The following AMOTL1 variants were observed in gnomAD, a reference collection of about 807,000 sequenced individuals.
AMOTL1 encodes the protein angiomotin like 1.
In AMOTL1, 45 loss-of-function variants were observed where a neutral mutation model predicts 102.9. That is an observed-to-expected ratio of 0.44 (90% confidence interval 0.34 to 0.56). The LOEUF (loss-of-function observed/expected upper bound fraction) is 0.56. Ranked by LOEUF, AMOTL1 falls within the 20% of genes least tolerant of loss-of-function variation. The pLI is 0.01. For synonymous variants in AMOTL1, 481 were observed against 484.7 expected, an observed-to-expected ratio of 0.99 and a Z score of 0.10; for missense variants, 1,114 against 1,225.6, an observed-to-expected ratio of 0.91 and a Z score of 1.36.
At chr11:94,805,564 C>T (rs1565359856) in intron 3 of AMOTL1, among the ~76,000 whole-genome samples, 1 of 152,148 alleles carries the variant, frequency 6.6e-6, no homozygotes, top group African/African-American at 2.4e-5. Context: ...TGACTCCTGT[C>T]AATGAAAAGA....
upstream of AMOTL1, among the ~76,000 whole-genome samples, chr11:94,764,454 A>G (rs898807529): frequency 1.3e-5 from 2 of 152,252 alleles, no homozygotes; most frequent in African/African-American, 4.8e-5. Context: ...TACTTGTTCT[A>G]GGAGCAAAAC....
At chr11:94,752,145 A>G (rs1950663572) in intron 3 of AMOTL1, among the ~76,000 whole-genome samples, 1 of 152,190 alleles carries the variant, frequency 6.6e-6, no homozygotes, top group Non-Finnish European at 1.5e-5. Context: ...TTTGATATTC[A>G]TGGTTTGCTC....
At chr11:94,780,190 C>T (rs1332946715) in intron 1 of AMOTL1, among the ~76,000 whole-genome samples, 1 of 152,176 alleles carries the variant, frequency 6.6e-6, no homozygotes, top group African/African-American at 2.4e-5. Flanking sequence ...CACTCCCTCC[C>T]TCAGTAACTA....
intron 3 of AMOTL1, among the ~76,000 whole-genome samples, chr11:94,741,458 C>T (rs1950526293): frequency 6.6e-6 from 1 of 152,044 alleles, no homozygotes; most frequent in South Asian, 2.1e-4. Flanking sequence ...GGGCTGAAAA[C>T]GGCGGTGTAA....
intron 5 of AMOTL1, among the ~76,000 whole-genome samples, chr11:94,830,663 T>C (rs1952051574): frequency 6.6e-6 from 1 of 152,182 alleles, no homozygotes; most frequent in African/African-American, 2.4e-5. Context: ...GGGGAAAAAG[T>C]CCCCACAGTT....
chr11:94,820,694 G>A (rs1053645622), intron 3 of AMOTL1, among the ~76,000 whole-genome samples: 3 of 152,116 alleles, frequency 2.0e-5, no homozygotes, highest in African/African-American at 7.2e-5. Context: ...CCATAATGTA[G>A]AATCAGTAGG....
At chr11:94,754,233 T>C (rs1275260693) in intron 3 of AMOTL1, among the ~76,000 whole-genome samples, 1 of 152,146 alleles carries the variant, frequency 6.6e-6, no homozygotes, top group African/African-American at 2.4e-5. Context: ...GACTCAGTCA[T>C]GGAGGTCAAG....
At chr11:94,741,621 A>C (rs1950528636) in intron 3 of AMOTL1, among the ~76,000 whole-genome samples, 1 of 152,036 alleles carries the variant, frequency 6.6e-6, no homozygotes, top group Admixed American at 6.5e-5. Flanking sequence ...TTGTCAAGAG[A>C]CAGGCTGAAG....
intron 1 of AMOTL1, among the ~76,000 whole-genome samples, chr11:94,707,129 G>T (rs1301226512): frequency 6.6e-6 from 1 of 151,978 alleles, no homozygotes; most frequent in Non-Finnish European, 1.5e-5. Flanking sequence ...TCAAACAATG[G>T]CTGTGCTGCC....
chr11:94,783,395 C>T (rs1034293968), intron 1 of AMOTL1, among the ~76,000 whole-genome samples: 7 of 152,292 alleles, frequency 4.6e-5, no homozygotes, highest in Middle Eastern at 3.4e-3. Flanking sequence ...GCATGTTTCC[C>T]TGTTAGTCTC....
chr11:94,709,628 C>T (rs57622673), intron 1 of AMOTL1, among the ~76,000 whole-genome samples: 1 of 152,122 alleles, frequency 6.6e-6, no homozygotes, highest in Non-Finnish European at 1.5e-5. Context: ...GCCATTCAAA[C>T]TTAGCCTTCA....
At chr11:94,762,069 T>C (rs970891442) in intron 3 of AMOTL1, among the ~76,000 whole-genome samples, 2 of 152,248 alleles carry the variant, frequency 1.3e-5, no homozygotes, top group East Asian at 1.9e-4. Flanking sequence ...AAACTCAGTA[T>C]GATTCCAGTT....
intron 1 of AMOTL1, among the ~76,000 whole-genome samples, chr11:94,773,843 A>G (rs1246738602): frequency 7.9e-5 from 12 of 152,244 alleles, no homozygotes; most frequent in Admixed American, 7.9e-4. Flanking sequence ...CATAAACAGT[A>G]TGAATGAAGT....
intron 1 of AMOTL1, 113 bp downstream of exon 1, chr11:94,768,673 T>C: frequency 6.8e-7 from 1 of 1,469,544 alleles, no homozygotes; most frequent in Non-Finnish European, 9.2e-7. Context: ...GGGCAGCTTC[T>C]GGGGGCCCGG....
chr11:94,756,490 G>A (rs1304140546), intron 3 of AMOTL1, among the ~76,000 whole-genome samples: 1 of 151,904 alleles, frequency 6.6e-6, no homozygotes. Context: ...ACTCTTATTC[G>A]GCTGCATCTG....
At chr11:94,869,575 C>G (rs1011066330) in intron 12 of AMOTL1, 102 bp downstream of exon 12, 1 of 1,341,176 alleles carries the variant, frequency 7.5e-7, no homozygotes, top group Non-Finnish European at 1.0e-6. Context: ...CACCCATCAG[C>G]TCTTACTCTA....
At chr11:94,729,018 C>A (rs1377698101) in exon 2 of AMOTL1, 2 of 1,289,064 alleles carry the variant, frequency 1.6e-6, no homozygotes, top group Non-Finnish European at 2.0e-6. Context: ...CCTGGTTATC[C>A]CATGCTGGAA....
chr11:94,718,327 T>C (rs935038681), intron 1 of AMOTL1, among the ~76,000 whole-genome samples: 3 of 151,272 alleles, frequency 2.0e-5, no homozygotes, highest in Non-Finnish European at 2.9e-5. Context: ...TACCTTACTT[T>C]AACTATTTAT....
At chr11:94,713,221 T>C (rs967359673) in intron 1 of AMOTL1, among the ~76,000 whole-genome samples, 1 of 151,866 alleles carries the variant, frequency 6.6e-6, no homozygotes, top group Non-Finnish European at 1.5e-5. Flanking sequence ...TGTGCCTATA[T>C]CTCTGACAAT....
Sources: gnomAD v4.1 joint callset for allele counts (sites outside exome capture counted in the v4.1 genomes callset) on GRCh38, gnomAD v4.1.1 for gene constraint, MANE v1.5 for transcripts, NCBI Gene and HGNC (gene_info 2026-07-23, HGNC 2026-07-21) for gene names.